Variants in BAZ2B observed in about 807,000 individuals in gnomAD.
BAZ2B encodes bromodomain adjacent to zinc finger domain protein 2B.
Under a neutral mutation model 246.0 loss-of-function variants are expected in BAZ2B, and 91 were observed. That is an observed-to-expected ratio of 0.37 (90% confidence interval 0.31 to 0.44). The LOEUF is 0.44. BAZ2B is among the 20% of genes least tolerant of loss of function. BAZ2B has a pLI of 1.00. For synonymous variants in BAZ2B, 855 were observed against 860.0 expected (o/e 0.99, Z 0.10); for missense variants, 2,332 against 2,533.7 (o/e 0.92, Z 1.71).
chr2:159,369,446 G>C (rs1415886514), intron 27 of BAZ2B, among the ~76,000 whole-genome samples: 1 of 152,132 alleles, frequency 6.6e-6, no homozygotes, highest in Non-Finnish European at 1.5e-5. Flanking sequence ...TCAGAGTAGA[G>C]ACATGATATG....
At chr2:159,647,020 A>G in the BAZ2B span, among the ~76,000 whole-genome samples, 2 of 152,100 alleles carry the variant, frequency 1.3e-5, no homozygotes, top group South Asian at 2.1e-4. Flanking sequence ...TTAAACATAT[A>G]TATTTCTAGG....
In BAZ2B at chr2:159,382,601, T is replaced by A; in HGVS notation, c.3963A>T (p.Lys1321Asn). The A allele has an allele frequency of 6.4e-7, 1 of 1,555,444 alleles. No homozygotes were observed. The highest frequency in any genetic ancestry group is 8.7e-7 in the Non-Finnish European group (1 of 1,148,176). The change falls in exon 25 of 37, where the codon AAA becomes AAT. Residue 1321 changes from lysine (K) to asparagine (N), a missense_variant. Physicochemically the swap from Lys to Asn is moderately conservative, Grantham distance 94 (BLOSUM62 0). Transcript: ENST00000392783. ...GDEDDEDEEDKEDKKGKKTDI... is the reference protein window; with the variant it reads ...GDEDDEDEEDNEDKKGKKTDI... The stretch of plus-strand genomic sequence containing the variant: ...CAGTCTTTTTTCCTTTTTTGTCTTC[T>A]TTATCTTCTTCATCCTCATCATCTT...
intron 2 of BAZ2B, among the ~76,000 whole-genome samples, chr2:159,509,864 T>G (rs140260127): frequency 1.7e-4 from 26 of 152,268 alleles, no homozygotes; most frequent in East Asian, 5.8e-4. Flanking sequence ...CATGTATATA[T>G]GAGCAACTGT....
At chr2:159,386,295 A>G (rs1255787003) in intron 22 of BAZ2B, 58 bp downstream of exon 22, 1 of 1,456,198 alleles carries the variant, frequency 6.9e-7, no homozygotes, top group Non-Finnish European at 9.2e-7. Context: ...TGCTAAAGCT[A>G]TCTACCAATG....
chr2:159,600,796 T>C (rs1307372725), intron 1 of BAZ2B, among the ~76,000 whole-genome samples: 1 of 152,212 alleles, frequency 6.6e-6, no homozygotes, highest in East Asian at 1.9e-4. Flanking sequence ...GAATCACAGA[T>C]CTTGGGACAC....
intron 2 of BAZ2B, among the ~76,000 whole-genome samples, chr2:159,486,541 G>A (rs1429746444): frequency 1.3e-5 from 2 of 150,762 alleles, no homozygotes; most frequent in Non-Finnish European, 3.0e-5. Context: ...ACAAAGTGGG[G>A]ATAACAGGTT....
chr2:159,634,489 A>C, the BAZ2B span, among the ~76,000 whole-genome samples: 1 of 152,228 alleles, frequency 6.6e-6, no homozygotes, highest in African/African-American at 2.4e-5. Flanking sequence ...ACATGTTAGA[A>C]TAATTGTGCT....
At chr2:159,419,653 C>T (rs143517277) in intron 13 of BAZ2B, 1 of 152,308 alleles carries the variant, frequency 6.6e-6, no homozygotes, top group Non-Finnish European at 1.5e-5. Context: ...GCTGACTATG[C>T]TTTCTACTTA....
chr2:159,667,194 G>T, the BAZ2B span, among the ~76,000 whole-genome samples: 1 of 150,134 alleles, frequency 6.7e-6, no homozygotes, highest in Non-Finnish European at 1.5e-5. Context: ...TACAGTGCAA[G>T]GCTTTAGATT....
chr2:159,415,726 A>G (rs1008992422), intron 13 of BAZ2B, among the ~76,000 whole-genome samples: 1 of 152,148 alleles, frequency 6.6e-6, no homozygotes, highest in African/African-American at 2.4e-5. Context: ...AAATAACCCA[A>G]AGTTCTTGAG....
At chr2:159,426,315 T>C (rs2069858492) in intron 13 of BAZ2B, among the ~76,000 whole-genome samples, 2 of 152,136 alleles carry the variant, frequency 1.3e-5, no homozygotes, top group African/African-American at 4.8e-5. Context: ...TTAGCTTTCC[T>C]CTCCGAACAA....
At chr2:159,511,351 C>G (rs945128005) in intron 2 of BAZ2B, among the ~76,000 whole-genome samples, 1 of 151,902 alleles carries the variant, frequency 6.6e-6, no homozygotes, top group African/African-American at 2.4e-5. Context: ...TTACAGGCAC[C>G]CAACACCACA....
At chr2:159,347,985 C>T (rs2058126387) in intron 30 of BAZ2B, among the ~76,000 whole-genome samples, 1 of 152,038 alleles carries the variant, frequency 6.6e-6, no homozygotes, top group Admixed American at 6.6e-5. Flanking sequence ...CCCTCTGCCC[C>T]CATGAATACC....
Position 159,349,842 on chromosome 2 carries a change from C to A in BAZ2B, c.4729G>T (p.Asp1577Tyr), listed in dbSNP as rs202069948. ...PCDDTSLTHA[D>Y]MSTASLVTPQ... ...GTCACCAAAGAAGCAGTTGACATAT[C>A]GGCATGAGTAAGTGAAGTGTCATCA... Residue 1577 changes from aspartate to tyrosine, a missense_variant, in exon 28 of 37, where the codon GAT (aspartate) becomes TAT (tyrosine). By Grantham distance (160) the Asp-to-Tyr change is radical (BLOSUM62 -3). Around this residue, in one of 9 missense-constraint regions of BAZ2B, gnomAD observed 676 missense variants for 668.6 expected, o/e 1.01. Transcript: ENST00000392783. The A allele has an allele frequency of 1.2e-6, 2 of 1,614,174 alleles. No homozygotes were observed. Among genetic ancestry groups the A allele is most frequent in the Admixed American group, 3.3e-5 (2 of 60,012 alleles).
At chr2:159,669,470 T>C in the BAZ2B span, among the ~76,000 whole-genome samples, 1 of 152,178 alleles carries the variant, frequency 6.6e-6, no homozygotes, top group Admixed American at 6.5e-5. Flanking sequence ...TCAAATCTTC[T>C]ATGTCTTTAT....
At chr2:159,580,838 T>C (rs1477617491) in intron 1 of BAZ2B, among the ~76,000 whole-genome samples, 1 of 152,164 alleles carries the variant, frequency 6.6e-6, no homozygotes, top group Non-Finnish European at 1.5e-5. Flanking sequence ...ATTTAATAAA[T>C]GGTGTTGGGA....
At chr2:159,529,542 C>T (rs2085142795) in intron 2 of BAZ2B, among the ~76,000 whole-genome samples, 1 of 152,116 alleles carries the variant, frequency 6.6e-6, no homozygotes, top group African/African-American at 2.4e-5. Flanking sequence ...AAGATCTCTG[C>T]AAAACTGTCA....
chr2:159,658,693 T>C, the BAZ2B span, among the ~76,000 whole-genome samples: 53 of 152,172 alleles, frequency 3.5e-4, no homozygotes, highest in East Asian at 9.9e-3. Flanking sequence ...TAATTCTTTG[T>C]ATTTTAGTAG....
intron 3 of BAZ2B, among the ~76,000 whole-genome samples, chr2:159,469,655 G>A (rs762602582): frequency 6.6e-6 from 1 of 152,132 alleles, no homozygotes; most frequent in East Asian, 1.9e-4. Flanking sequence ...TGGCGAGGCA[G>A]GTCTCGAACT....
Sources: allele counts gnomAD v4.1 joint callset (sites outside exome capture counted in the v4.1 genomes callset), GRCh38; gene constraint gnomAD v4.1.1; regional missense constraint gnomAD v4.1.1; transcripts MANE v1.5; gene names NCBI Gene and HGNC (gene_info 2026-07-23, HGNC 2026-07-21).